Variants in UNC5A observed in about 807,000 individuals in gnomAD.
The protein encoded by UNC5A is netrin receptor UNC5A.
In UNC5A, 20 loss-of-function variants were observed where a neutral mutation model predicts 87.4. The observed-to-expected ratio is 0.23, with a 90% CI of 0.16 to 0.33. The LOEUF (loss-of-function observed/expected upper bound fraction) is 0.33, where lower values mean the gene tolerates loss of function less well. Ranked by LOEUF, UNC5A falls within the 10% of genes least tolerant of loss-of-function variation. UNC5A has a pLI of 1.00. For synonymous variants in UNC5A, 438 were observed against 482.3 expected, an observed-to-expected ratio of 0.91 and a Z score of 1.20; for missense variants, 844 against 1,133.4, an observed-to-expected ratio of 0.74 and a Z score of 3.67.
intron 1 of UNC5A, among the ~76,000 whole-genome samples, chr5:176,850,196 TGC>T (rs1757510035): frequency 6.6e-6 from 1 of 152,184 alleles, no homozygotes; most frequent in East Asian, 1.9e-4. Context: ...TGGGGTGCCC[TGC>T]AGGTTTAGGA....
At position 176,845,360 on chromosome 5, in the gene UNC5A, G is replaced by A. The variant is rs1015703271; in HGVS notation, c.71-17264G>A. ...AAGCCTGTCTAATCCAGCCCGTGCT[G>A]CCACCAGATAGGTCCTGCCTCATAT... On this transcript the variant is annotated intron_variant, in intron 1 of 14. Coordinates refer to ENST00000329542, the MANE Select transcript of UNC5A (RefSeq NM_133369.3). 5.9e-5 allele frequency among the ~76,000 whole-genome samples: 9 copies of A among 152,188 alleles called. No homozygotes were observed. In the East Asian group the frequency reaches 1.3e-3, roughly 23 times the overall value.
intron 1 of UNC5A, among the ~76,000 whole-genome samples, chr5:176,821,996 G>A (rs767213731): frequency 1.2e-4 from 19 of 152,252 alleles, no homozygotes; most frequent in Non-Finnish European, 2.6e-4. Flanking sequence ...GACCTGGGAG[G>A]ACTGTGCTTA....
rs555808116 is a variant in UNC5A, at chr5:176,866,257, G to C, written c.293-1873G>C. 4.6e-4 allele frequency among the ~76,000 whole-genome samples: 70 copies of C among 152,316 alleles called. 1 individual carries two copies. The highest frequency in any genetic ancestry group is 1.6e-3 in the African/African-American group (68 of 41,572). On this transcript the variant is annotated intron_variant, in intron 2 of 14. Coordinates refer to ENST00000329542, the MANE Select transcript of UNC5A (RefSeq NM_133369.3). This position sits in a 1 kb window ranked among gnomAD's most constrained non-coding sequence, Gnocchi z 5.0. Reference sequence around the variant, plus strand: ...GCACAGCCCCTCACATCAAAGATGGGGTAGGGCCGGGTCTGCAGCCCCCGC... The same window carrying C: ...GCACAGCCCCTCACATCAAAGATGGCGTAGGGCCGGGTCTGCAGCCCCCGC...
At chr5:176,879,232 G>GCTCCCAGA in intron 13 of UNC5A, 78 bp from the exon 14 acceptor site, 3 of 1,477,464 alleles carry the variant, frequency 2.0e-6, no homozygotes, top group African/African-American at 1.4e-5. Context: ...GAGTCTGGGA[G>GCTCCCAGA]CTCCCCCAGC....
At chr5:176,812,310 C>T (rs943224795) in intron 1 of UNC5A, among the ~76,000 whole-genome samples, 10 of 152,154 alleles carry the variant, frequency 6.6e-5, no homozygotes, top group African/African-American at 2.2e-4. Flanking sequence ...TGCCTGACAC[C>T]CAGTAGGTAC....
At chr5:176,846,610 CTGACTT>C (rs556273772) in intron 1 of UNC5A, among the ~76,000 whole-genome samples, 375 of 152,292 alleles carry the variant, frequency 2.5e-3, no homozygotes, top group African/African-American at 8.6e-3. Flanking sequence ...TGACTGAACT[CTGACTT>C]TGGGCGGTAA....
At chr5:176,868,026 C>A in intron 2 of UNC5A, 104 bp from the exon 3 acceptor site, 2 of 992,266 alleles carry the variant, frequency 2.0e-6, no homozygotes, top group Non-Finnish European at 2.8e-6. Context: ...ACAAAGTCCA[C>A]TCCCTTGCCA....
intron 1 of UNC5A, among the ~76,000 whole-genome samples, chr5:176,854,850 A>G (rs113118584): frequency 0.051 from 7,834 of 152,296 alleles, 326 homozygotes; most frequent in African/African-American, 0.12. Context: ...AATGGTGACA[A>G]TATGATATTC....
rs1262954878 is a variant in UNC5A, at chr5:176,838,758, G to C, written c.71-23866G>C. ...ACATCCTCACCCCACACCTTCCAGG[G>C]GAAAGATGCCTCCTCTCTTGAAAAG... On this transcript the variant is annotated intron_variant, in intron 1 of 14. Coordinates refer to ENST00000329542, the MANE Select transcript of UNC5A (RefSeq NM_133369.3). The surrounding 1 kb of genome is among the most constrained non-coding windows in gnomAD (Gnocchi z 4.2). Among the ~76,000 whole-genome samples, 1 of 152,194 alleles carries C rather than the reference G, an allele frequency of 6.6e-6. No individual in the cohort carries two copies. Among genetic ancestry groups the C allele is most frequent in the East Asian group, 1.9e-4 (1 of 5,198 alleles).
rs1447248756 is a variant in UNC5A at position 176,838,611 on chromosome 5, G to C, written c.71-24013G>C. Among the ~76,000 whole-genome samples the C allele has an allele frequency of 6.6e-6, 1 of 152,274 alleles. No homozygotes were observed. Among genetic ancestry groups the C allele is most frequent in the African/African-American group, 2.4e-5 (1 of 41,478 alleles). ...GACAACAGCACTCTGGAGCTACCCT[G>C]CTCGCTGTTCTGCTCTGTCTTCCCT... On this transcript the variant is annotated intron_variant, in intron 1 of 14. Coordinates refer to ENST00000329542, the MANE Select transcript of UNC5A (RefSeq NM_133369.3). The surrounding 1 kb of genome is among the most constrained non-coding windows in gnomAD (Gnocchi z 4.2).
intron 1 of UNC5A, among the ~76,000 whole-genome samples, chr5:176,820,890 G>A (rs1481288011): frequency 2.0e-5 from 3 of 152,210 alleles, no homozygotes; most frequent in Non-Finnish European, 4.4e-5. Context: ...TTTTCCAGCT[G>A]CAGAGCCTGC....
Position 176,824,155 on chromosome 5 carries a change from C to T in UNC5A, c.70+13335C>T, listed in dbSNP as rs556806659. On this transcript the variant is annotated intron_variant, in intron 1 of 14. Transcript: ENST00000329542. The surrounding 1 kb of genome is among the most constrained non-coding windows in gnomAD (Gnocchi z 4.2). Reference sequence around the variant, plus strand: ...GCGGAGGTGCGGCCCCGATGCCTCCCGGGTTGGAGGCAGCAATGATGCAGG... The same window carrying T: ...GCGGAGGTGCGGCCCCGATGCCTCCTGGGTTGGAGGCAGCAATGATGCAGG... 2.6e-5 allele frequency among the ~76,000 whole-genome samples: 4 copies of T among 152,222 alleles called. No individual in the cohort carries two copies. Among genetic ancestry groups the T allele is most frequent in the Admixed American group, 1.3e-4 (2 of 15,284 alleles).
chr5:176,835,556 C>T (rs562643071), intron 1 of UNC5A, among the ~76,000 whole-genome samples: 142 of 152,342 alleles, frequency 9.3e-4, no homozygotes, highest in Non-Finnish European at 1.6e-3. Flanking sequence ...GGCCCCTTCC[C>T]GCCTGTCAAA....
intron 1 of UNC5A, among the ~76,000 whole-genome samples, chr5:176,816,793 G>A (rs770850717): frequency 6.6e-6 from 1 of 152,282 alleles, no homozygotes; most frequent in South Asian, 2.1e-4. Context: ...TGCCATGGCA[G>A]AGGGCACTGT....
At chr5:176,867,202 GCAAA>G (rs1054904801) in intron 2 of UNC5A, among the ~76,000 whole-genome samples, 13 of 152,194 alleles carry the variant, frequency 8.5e-5, no homozygotes, top group African/African-American at 2.7e-4. Flanking sequence ...GAAATTGGAA[GCAAA>G]CAGTCTTTTC....
rs984797032 is a variant in UNC5A at position 176,837,891 on chromosome 5, C to T, written c.71-24733C>T. ...GGCTGTCCCTCTGCGGACTCGGCTT[C>T]CTAACCTCCGGACTCTGCTTCCTAA... On this transcript the variant is annotated intron_variant, in intron 1 of 14. Coordinates refer to ENST00000329542, the MANE Select transcript of UNC5A (RefSeq NM_133369.3). Among the ~76,000 whole-genome samples, 4 of 152,154 alleles carry T rather than the reference C, an allele frequency of 2.6e-5. No individual in the cohort carries two copies. In the South Asian group the frequency reaches 6.2e-4, roughly 24 times the overall value.
Position 176,874,249 on chromosome 5 carries a change from G to A in UNC5A, c.1076-15G>A. On this transcript the variant is annotated splice_polypyrimidine_tract_variant and intron_variant, in intron 7 of 14. Coordinates refer to ENST00000329542, the MANE Select transcript of UNC5A (RefSeq NM_133369.3). The surrounding 1 kb of genome is among the most constrained non-coding windows in gnomAD (Gnocchi z 7.6). ...GCCCTAGGTGCCATTGCCTGAGTCTGTCTTTATCCTGCAGACAACCCCCAT... is the reference window on the plus strand; with the variant it reads ...GCCCTAGGTGCCATTGCCTGAGTCTATCTTTATCCTGCAGACAACCCCCAT... 6.3e-7 allele frequency: 1 copy of A among 1,584,430 alleles called. No homozygotes were observed. The highest frequency in any genetic ancestry group is 1.2e-5 in the South Asian group (1 of 86,526).
chr5:176,830,470 G>C (rs1218182043), intron 1 of UNC5A, among the ~76,000 whole-genome samples: 4 of 139,208 alleles, frequency 2.9e-5, no homozygotes, highest in Non-Finnish European at 1.5e-5. Flanking sequence ...GTGTGTGTGT[G>C]CTGGTGTGTG....
Position 176,810,798 on chromosome 5 carries a change from C to A in UNC5A, c.48C>A (p.Leu16=). 2 of 1,220,274 alleles carry A rather than the reference C, an allele frequency of 1.6e-6. No individual in the cohort carries two copies. Among genetic ancestry groups the A allele is most frequent in the Non-Finnish European group, 2.0e-6 (2 of 980,544 alleles). The allele number at this position is 1,220,274 out of a possible 1,614,324, so 75.6% of individuals were successfully genotyped here. A position where few individuals can be genotyped will look rare whatever the true frequency, so the allele number is the denominator to read the frequency against. ...GLWPALLGIV[L]AAWLRGSGAQ... is the part of the protein sequence containing the mutation. ...GGCCAGCGCTCCTGGGCATAGTCCT[C>A]GCCGCTTGGCTCCGCGGCTCGGGTG... Residue 16 remains leucine (L), a synonymous_variant, in exon 1 of 15, where the codon CTC becomes CTA. Transcript: ENST00000329542. This position sits in a 1 kb window ranked among gnomAD's most constrained non-coding sequence, Gnocchi z 7.3.
Sources: gnomAD v4.1 joint callset for allele counts (sites outside exome capture counted in the v4.1 genomes callset) on GRCh38, gnomAD v4.1.1 for gene constraint, Gnocchi (gnomAD v3.1) non-coding constraint, MANE v1.5 for transcripts, NCBI Gene and HGNC (gene_info 2026-07-23, HGNC 2026-07-21) for gene names.